CCDC91: variants seen among roughly 807,000 people sequenced by gnomAD.
CCDC91 encodes coiled-coil domain containing 91.
In CCDC91, 48 loss-of-function variants were observed where a neutral mutation model predicts 63.2. That is an observed-to-expected ratio of 0.76 (90% CI 0.60 to 0.97). The LOEUF is 0.97. Among genes scored for constraint, CCDC91 ranks in the 50% least tolerant of loss-of-function variants. The pLI, the probability that CCDC91 is intolerant of heterozygous loss-of-function variation, is 0.00. For missense variants in CCDC91, 500 were observed against 494.6 expected, an observed-to-expected ratio of 1.01 and a Z score of -0.10; for synonymous variants, 167 against 165.8, an observed-to-expected ratio of 1.01 and a Z score of -0.06.
chr12:28,256,389 T>G (rs1377076686), intron 1 of CCDC91, among the ~76,000 whole-genome samples: 1 of 152,042 alleles, frequency 6.6e-6, no homozygotes, highest in East Asian at 1.9e-4. Flanking sequence ...CCTTTTCAGG[T>G]TATTTAGTTC....
chr12:28,499,992 C>T (rs1205642134), intron 12 of CCDC91, among the ~76,000 whole-genome samples: 1 of 152,122 alleles, frequency 6.6e-6, no homozygotes, highest in Non-Finnish European at 1.5e-5. Flanking sequence ...TTCTCCACAT[C>T]CTCTCCAGCA....
chr12:28,490,911 C>G (rs1951965130), intron 12 of CCDC91, among the ~76,000 whole-genome samples: 1 of 125,286 alleles, frequency 8.0e-6, no homozygotes, highest in African/African-American at 3.1e-5. Flanking sequence ...TGAGATGACC[C>G]TATTTGTCAT....
chr12:28,211,016 G>A (rs1277011209), intron 1 of CCDC91, among the ~76,000 whole-genome samples: 3 of 149,198 alleles, frequency 2.0e-5, no homozygotes, highest in East Asian at 3.9e-4. Context: ...CTTGAACAGC[G>A]AGGCTTCCAG....
chr12:28,510,924 T>G (rs1259255113), intron 12 of CCDC91, among the ~76,000 whole-genome samples: 1 of 151,882 alleles, frequency 6.6e-6, no homozygotes, highest in Non-Finnish European at 1.5e-5. Context: ...CTGCCACATT[T>G]GCTCCTTCAC....
intron 1 of CCDC91, among the ~76,000 whole-genome samples, chr12:28,224,814 A>C (rs1381634637): frequency 6.6e-6 from 1 of 152,216 alleles, no homozygotes; most frequent in Admixed American, 6.5e-5. Flanking sequence ...TCAACAGCCC[A>C]TAGTCTTGGA....
chr12:28,296,239 A>C (rs1289695429), intron 3 of CCDC91, among the ~76,000 whole-genome samples: 1 of 151,682 alleles, frequency 6.6e-6, no homozygotes, highest in Non-Finnish European at 1.5e-5. Flanking sequence ...TGCTAGCAAA[A>C]GATTACGAGG....
At chr12:28,529,986 A>C (rs940070257) in intron 12 of CCDC91, among the ~76,000 whole-genome samples, 1 of 152,214 alleles carries the variant, frequency 6.6e-6, no homozygotes, top group Non-Finnish European at 1.5e-5. Flanking sequence ...CACCCTCAGG[A>C]AATGAAAAAT....
chr12:28,296,494 G>A (rs1306186103), intron 3 of CCDC91, among the ~76,000 whole-genome samples: 1 of 151,656 alleles, frequency 6.6e-6, no homozygotes, highest in Non-Finnish European at 1.5e-5. Flanking sequence ...ATTTTATTAA[G>A]GAAGTGATCA....
chr12:28,516,349 T>A (rs1452804085), intron 12 of CCDC91, among the ~76,000 whole-genome samples: 1 of 151,980 alleles, frequency 6.6e-6, no homozygotes, highest in Non-Finnish European at 1.5e-5. Flanking sequence ...TCATGCCTAA[T>A]CCCAGCACTT....
rs1943558413 is a variant in CCDC91 at position 28,216,301 on chromosome 12, T to C, written c.-15+25660T>C. Among the ~76,000 whole-genome samples the C allele has an allele frequency of 2.0e-5, 3 of 152,270 alleles. No homozygotes were observed. In the South Asian group the frequency reaches 6.2e-4, roughly 32 times the overall value. On this transcript the variant is annotated intron_variant, in intron 1 of 12. Coordinates refer to ENST00000536442, the MANE Select transcript of CCDC91 (RefSeq NM_018318.5). ...TCTGTGTTTCTCACGTTGGATTATA[T>C]AGCAAGCTTTTGTTGGTTCTTAGCT...
chr12:28,252,874 C>A (rs1946213631), intron 1 of CCDC91, among the ~76,000 whole-genome samples: 1 of 152,094 alleles, frequency 6.6e-6, no homozygotes, highest in South Asian at 2.1e-4. Flanking sequence ...TAGAATGTAT[C>A]AGATACTGTT....
At chr12:28,392,899 C>T (rs1176926012) in intron 8 of CCDC91, among the ~76,000 whole-genome samples, 1 of 152,088 alleles carries the variant, frequency 6.6e-6, no homozygotes, top group Admixed American at 6.5e-5. Flanking sequence ...TCCCAACATG[C>T]CTAGTATACA....
At chr12:28,409,022 G>C (rs936325036) in intron 8 of CCDC91, among the ~76,000 whole-genome samples, 1 of 152,122 alleles carries the variant, frequency 6.6e-6, no homozygotes, top group African/African-American at 2.4e-5. Context: ...TTTCTACATA[G>C]ATATGTTTTC....
intron 8 of CCDC91, among the ~76,000 whole-genome samples, chr12:28,415,087 G>T (rs1170253817): frequency 6.6e-6 from 1 of 152,016 alleles, no homozygotes; most frequent in Non-Finnish European, 1.5e-5. Flanking sequence ...TAATATTATG[G>T]GCTAAGGTAT....
intron 6 of CCDC91, among the ~76,000 whole-genome samples, chr12:28,353,269 G>T (rs1017874427): frequency 6.6e-6 from 1 of 152,174 alleles, no homozygotes; most frequent in Non-Finnish European, 1.5e-5. Flanking sequence ...TGTTGTGGCT[G>T]TTTCAGTCTT....
intron 6 of CCDC91, among the ~76,000 whole-genome samples, chr12:28,327,463 G>T (rs1252069564): frequency 2.0e-5 from 3 of 152,058 alleles, no homozygotes; most frequent in Admixed American, 6.6e-5. Flanking sequence ...GATTAGGGTG[G>T]AGTGGCCATC....
chr12:28,307,000 A>G (rs1938810838), intron 5 of CCDC91, 55 bp downstream of exon 5: 1 of 1,179,434 alleles, frequency 8.5e-7, no homozygotes, highest in Non-Finnish European at 1.2e-6. Context: ...GAAATTTGAT[A>G]TAATCTCAAA....
intron 12 of CCDC91, among the ~76,000 whole-genome samples, chr12:28,488,712 CTT>C (rs1014814088): frequency 6.7e-4 from 102 of 151,836 alleles, no homozygotes; most frequent in African/African-American, 2.2e-3. Context: ...TCCAATATAA[CTT>C]ATATAATAGA....
At chr12:28,414,509 T>A (rs1947519537) in intron 8 of CCDC91, among the ~76,000 whole-genome samples, 1 of 152,176 alleles carries the variant, frequency 6.6e-6, no homozygotes, top group Non-Finnish European at 1.5e-5. Flanking sequence ...TTAAACATTT[T>A]ATTTTTGAAT....
Sources: gnomAD v4.1 joint callset for allele counts (sites outside exome capture counted in the v4.1 genomes callset) on GRCh38, gnomAD v4.1.1 for gene constraint, MANE v1.5 for transcripts, NCBI Gene and HGNC (gene_info 2026-07-23, HGNC 2026-07-21) for gene names.